Variants in AFG2A observed in about 807,000 individuals in gnomAD.
AFG2A encodes the protein AAA ATPase AFG2A, also known as ATPase family gene 2 protein homolog A.
the AFG2A span, among the ~76,000 whole-genome samples, chr4:122,981,918 G>GTTTCCTTTAT: frequency 6.6e-6 from 1 of 151,190 alleles, no homozygotes; most frequent in Non-Finnish European, 1.5e-5. Context: ...AATATTTAGG[G>GTTTCCTTTAT]TTTCCTTTAT....
chr4:123,203,552 A>G, the AFG2A span, among the ~76,000 whole-genome samples: 1 of 152,188 alleles, frequency 6.6e-6, no homozygotes, highest in Non-Finnish European at 1.5e-5. Flanking sequence ...TGCTGGGATT[A>G]TAGGCGTGAG....
chr4:123,099,451 C>T, the AFG2A span, among the ~76,000 whole-genome samples: 15,868 of 151,480 alleles, frequency 0.1, 927 homozygotes, highest in Middle Eastern at 0.2. Flanking sequence ...GGAACATTTT[C>T]CCTATAACTT....
At chr4:123,255,945 C>CCCTA in the AFG2A span, 1 of 1,562,322 alleles carries the variant, frequency 6.4e-7, no homozygotes, top group Non-Finnish European at 8.8e-7. Flanking sequence ...AGACATCTTT[C>CCCTA]CCTAGGTATC....
At chr4:122,950,946 T>A in the AFG2A span, among the ~76,000 whole-genome samples, 1 of 152,172 alleles carries the variant, frequency 6.6e-6, no homozygotes, top group Admixed American at 6.5e-5. Flanking sequence ...AGGCTCCAAT[T>A]CTTTGCTATG....
the AFG2A span, among the ~76,000 whole-genome samples, chr4:123,258,858 C>CTTT: frequency 1.6e-3 from 149 of 90,318 alleles, no homozygotes; most frequent in African/African-American, 3.6e-3. Flanking sequence ...GATACTGGTA[C>CTTT]TTTTTTTTTT....
chr4:122,942,875 C>T, the AFG2A span, among the ~76,000 whole-genome samples: 8 of 151,076 alleles, frequency 5.3e-5, no homozygotes, highest in Non-Finnish European at 1.2e-4. Context: ...TTTATTTCTG[C>T]CTTCATTTCG....
the AFG2A span, among the ~76,000 whole-genome samples, chr4:122,928,495 A>G: frequency 6.6e-6 from 1 of 152,136 alleles, no homozygotes; most frequent in Non-Finnish European, 1.5e-5. Flanking sequence ...TTTCTGGCTT[A>G]TGCTTTAAAG....
the AFG2A span, among the ~76,000 whole-genome samples, chr4:123,154,288 T>C: frequency 6.6e-6 from 1 of 152,094 alleles, no homozygotes; most frequent in Non-Finnish European, 1.5e-5. Flanking sequence ...AAAACCGATA[T>C]TATAGAGTTC....
At chr4:123,216,179 T>C in the AFG2A span, among the ~76,000 whole-genome samples, 9 of 152,296 alleles carry the variant, frequency 5.9e-5, no homozygotes, top group South Asian at 1.9e-3. Flanking sequence ...GACAGGTTTT[T>C]CTTGAATGTT....
chr4:123,306,636 A>AC, the AFG2A span, among the ~76,000 whole-genome samples: 2 of 151,598 alleles, frequency 1.3e-5, no homozygotes, highest in South Asian at 4.2e-4. Context: ...GCTCACTGCA[A>AC]CCTCTGCCTC....
the AFG2A span, among the ~76,000 whole-genome samples, chr4:123,111,362 G>C: frequency 6.6e-6 from 1 of 152,112 alleles, no homozygotes; most frequent in African/African-American, 2.4e-5. Flanking sequence ...ACATTTAATA[G>C]AATGATGAAC....
the AFG2A span, among the ~76,000 whole-genome samples, chr4:123,144,502 A>G: frequency 4.6e-5 from 7 of 152,210 alleles, no homozygotes; most frequent in African/African-American, 1.4e-4. Flanking sequence ...AAGGGAAGCC[A>G]GTAAATAATA....
the AFG2A span, among the ~76,000 whole-genome samples, chr4:122,989,417 G>A: frequency 2.9e-3 from 440 of 152,182 alleles, 3 homozygotes; most frequent in Admixed American, 0.012. Flanking sequence ...GGAGCCTGAG[G>A]CCACAGGGAC....
chr4:123,061,241 C>G, the AFG2A span, among the ~76,000 whole-genome samples: 2 of 152,192 alleles, frequency 1.3e-5, no homozygotes, highest in Non-Finnish European at 2.9e-5. Context: ...CAACCTTCAC[C>G]TGTTACTCAG....
the AFG2A span, among the ~76,000 whole-genome samples, chr4:123,241,481 C>T: frequency 3.8e-3 from 576 of 151,874 alleles, 3 homozygotes; most frequent in South Asian, 8.7e-3. Context: ...TTTCAACATA[C>T]GCAAATCAAT....
chr4:123,212,154 T>C, the AFG2A span, among the ~76,000 whole-genome samples: 1 of 152,166 alleles, frequency 6.6e-6, no homozygotes, highest in African/African-American at 2.4e-5. Context: ...TCATCCTTGG[T>C]TCCTTAGTTT....
the AFG2A span, among the ~76,000 whole-genome samples, chr4:123,103,643 A>G: frequency 6.6e-6 from 1 of 152,124 alleles, no homozygotes. Context: ...GTATCCGACA[A>G]TCTCAGTCCT....
chr4:123,027,893 A>C, the AFG2A span, among the ~76,000 whole-genome samples: 1 of 152,134 alleles, frequency 6.6e-6, no homozygotes, highest in African/African-American at 2.4e-5. Flanking sequence ...GTAACTTCTA[A>C]ATCTTTCTAG....
At chr4:123,117,256 G>A in the AFG2A span, among the ~76,000 whole-genome samples, 1 of 151,840 alleles carries the variant, frequency 6.6e-6, no homozygotes, top group African/African-American at 2.4e-5. Context: ...AGGAGCTCTT[G>A]AACCTCCGTT....
Sources: allele counts gnomAD v4.1 joint callset (sites outside exome capture counted in the v4.1 genomes callset), GRCh38; gene constraint gnomAD v4.1.1; transcripts MANE v1.5; gene names NCBI Gene and HGNC (gene_info 2026-07-23, HGNC 2026-07-21).